The following ERBB4 variants were observed in gnomAD, a reference collection of about 807,000 sequenced individuals.
ERBB4 encodes the protein receptor tyrosine-protein kinase erbB-4.
In ERBB4, 42 loss-of-function variants were observed where a neutral mutation model predicts 158.0. The ratio of observed to expected loss-of-function variants is 0.27; its 90% confidence interval spans 0.21 to 0.34. The LOEUF is 0.34. ERBB4 is among the 10% of genes least tolerant of loss of function. ERBB4 has a pLI of 1.00. For synonymous variants in ERBB4, 583 were observed against 558.7 expected, an observed-to-expected ratio of 1.04 and a Z score of -0.61; for missense variants, 1,333 against 1,624.1, an observed-to-expected ratio of 0.82 and a Z score of 3.08.
intron 19 of ERBB4, among the ~76,000 whole-genome samples, chr2:211,604,734 C>A (rs2068920576): frequency 6.6e-6 from 1 of 152,172 alleles, no homozygotes. Context: ...GATCGACCGA[C>A]TGTTAACTTT....
chr2:212,101,022 A>C (rs1318599656), intron 2 of ERBB4, among the ~76,000 whole-genome samples: 1 of 152,038 alleles, frequency 6.6e-6, no homozygotes, highest in African/African-American at 2.4e-5. Context: ...TGGGATAGTC[A>C]ATTTTTAATG....
intron 2 of ERBB4, among the ~76,000 whole-genome samples, chr2:211,951,303 AG>A (rs1444651116): frequency 1.3e-5 from 2 of 152,170 alleles, no homozygotes; most frequent in African/African-American, 2.4e-5. Context: ...TTTGTAAAAG[AG>A]TAACATTAAT....
intron 2 of ERBB4, among the ~76,000 whole-genome samples, chr2:212,090,224 GA>G (rs1193005383): frequency 4.6e-5 from 2 of 43,028 alleles, no homozygotes; most frequent in Non-Finnish European, 1.8e-4. Context: ...TCCCGTCAAG[GA>G]ACTTAAACAA....
Position 212,024,328 on chromosome 2 carries a change from T to TA in ERBB4, c.235-76713dup, listed in dbSNP as rs76226382. Among the ~76,000 whole-genome samples the TA allele has an allele frequency of 1.9e-3, 290 of 150,866 alleles. 3 individuals are homozygous for TA. The highest frequency in any genetic ancestry group is 0.019 in the South Asian group (89 of 4,802). ...TCAAAACAACTTGCTGCAAAGCACA[T>TA]AAAAAAAAACAAAGAGCTTTGTTAA... On this transcript the variant is annotated intron_variant, in intron 2 of 27. Transcript: ENST00000342788.
At chr2:212,314,726 G>C (rs1291907722) in intron 1 of ERBB4, among the ~76,000 whole-genome samples, 1 of 151,054 alleles carries the variant, frequency 6.6e-6, no homozygotes, top group Non-Finnish European at 1.5e-5. Flanking sequence ...ATAATGAAAA[G>C]TATTAGTCAA....
At chr2:212,255,188 T>C (rs2084682030) in intron 1 of ERBB4, among the ~76,000 whole-genome samples, 1 of 152,158 alleles carries the variant, frequency 6.6e-6, no homozygotes, top group Non-Finnish European at 1.5e-5. Flanking sequence ...ACTGTACTAT[T>C]AAGAGGAAAA....
At chr2:211,405,232 T>A (rs575731839) in intron 25 of ERBB4, among the ~76,000 whole-genome samples, 1 of 152,218 alleles carries the variant, frequency 6.6e-6, no homozygotes, top group African/African-American at 2.4e-5. Flanking sequence ...ATTGCCTCAA[T>A]CAGCACTTTA....
At position 211,378,237 on chromosome 2, in the gene ERBB4, A is replaced by C; in HGVS notation, c.*5378T>G. ...ACTTACTTGCAAAGCTGACTGTCAA[A>C]GAGTATTTTCCAGAGGAAGCATGTG... On this transcript the variant is annotated 3_prime_UTR_variant, in exon 28 of 28. Coordinates refer to ENST00000342788, the MANE Select transcript of ERBB4 (RefSeq NM_005235.3). 4.3e-6 allele frequency: 1 copy of C among 233,042 alleles called. No homozygotes were observed. Among genetic ancestry groups the C allele is most frequent in the Non-Finnish European group, 8.5e-6 (1 of 117,626 alleles). 14.4% of individuals were successfully genotyped at this position (233,042 alleles called of 1,614,324 possible).
chr2:212,186,807 A>T (rs1404609788), intron 1 of ERBB4, among the ~76,000 whole-genome samples: 2 of 152,194 alleles, frequency 1.3e-5, no homozygotes. Context: ...AGATAGAAGT[A>T]TGCAGCGATA....
chr2:212,538,363 G>C, intron 1 of ERBB4, 86 bp downstream of exon 1: 5 of 1,197,022 alleles, frequency 4.2e-6, no homozygotes, highest in Non-Finnish European at 6.2e-6. Flanking sequence ...CGCCTCCCGG[G>C]ATGGGTGAAG....
intron 3 of ERBB4, among the ~76,000 whole-genome samples, chr2:211,838,769 G>A (rs1176753585): frequency 6.6e-6 from 1 of 151,976 alleles, no homozygotes. Flanking sequence ...ACACAATAAC[G>A]GGTCTGTGAT....
intron 3 of ERBB4, among the ~76,000 whole-genome samples, chr2:211,788,398 A>G (rs2076215563): frequency 6.6e-6 from 1 of 152,158 alleles, no homozygotes; most frequent in Non-Finnish European, 1.5e-5. Context: ...TCTGAGAGTA[A>G]CACTCCTAAC....
At chr2:212,404,947 C>T (rs1425904418) in intron 1 of ERBB4, among the ~76,000 whole-genome samples, 1 of 152,044 alleles carries the variant, frequency 6.6e-6, no homozygotes, top group Non-Finnish European at 1.5e-5. Context: ...ATAATAGCCT[C>T]CAGCTCCATC....
At chr2:212,413,174 G>A (rs1353565645) in intron 1 of ERBB4, among the ~76,000 whole-genome samples, 3 of 130,166 alleles carry the variant, frequency 2.3e-5, no homozygotes, top group African/African-American at 5.9e-5. Context: ...TTTTCGTAGA[G>A]ACGGGGTTTC....
chr2:211,395,161 T>G (rs2062884168), intron 25 of ERBB4, among the ~76,000 whole-genome samples: 1 of 152,138 alleles, frequency 6.6e-6, no homozygotes, highest in African/African-American at 2.4e-5. Flanking sequence ...TTTTCTTTCC[T>G]TTTTAAAGTG....
At chr2:211,894,871 T>C (rs1476541402) in intron 3 of ERBB4, among the ~76,000 whole-genome samples, 1 of 152,204 alleles carries the variant, frequency 6.6e-6, no homozygotes, top group Non-Finnish European at 1.5e-5. Context: ...AGGAATCATT[T>C]GTGAACATTG....
intron 1 of ERBB4, among the ~76,000 whole-genome samples, chr2:212,287,148 T>A (rs2086021585): frequency 6.6e-6 from 1 of 152,058 alleles, no homozygotes; most frequent in South Asian, 2.1e-4. Context: ...CCCTGCCTCT[T>A]TGCAGACAGC....
intron 3 of ERBB4, among the ~76,000 whole-genome samples, chr2:211,828,703 T>G (rs2077156184): frequency 6.6e-6 from 1 of 152,140 alleles, no homozygotes; most frequent in Admixed American, 6.6e-5. Context: ...TTCAGTCTCA[T>G]TATTTTACAA....
At chr2:212,311,100 T>G (rs894520900) in intron 1 of ERBB4, among the ~76,000 whole-genome samples, 42 of 150,810 alleles carry the variant, frequency 2.8e-4, no homozygotes, top group African/African-American at 9.9e-4. Context: ...TTTGTTTACC[T>G]ATTTCTAATG....
Sources: gnomAD v4.1 joint callset for allele counts (sites outside exome capture counted in the v4.1 genomes callset) on GRCh38, gnomAD v4.1.1 for gene constraint, MANE v1.5 for transcripts, NCBI Gene and HGNC (gene_info 2026-07-23, HGNC 2026-07-21) for gene names.